Variants in TRPV4 observed in about 807,000 individuals in gnomAD.
The protein encoded by TRPV4 is OSM9-like transient receptor potential channel 4.
In TRPV4, 58 loss-of-function variants were observed where a neutral mutation model predicts 84.1. The observed-to-expected ratio is 0.69, with a 90% CI of 0.56 to 0.86. TRPV4 has a LOEUF of 0.86. TRPV4 is among the 40% of genes least tolerant of loss of function. TRPV4 has a pLI of 0.00. For synonymous variants in TRPV4, 489 were observed against 500.9 expected, an observed-to-expected ratio of 0.98 and a Z score of 0.32; for missense variants, 879 against 1,181.1, an observed-to-expected ratio of 0.74 and a Z score of 3.75.
Position 109,798,924 on chromosome 12 carries a change from G to A in TRPV4, c.854-12C>T. ...CAGGGGCAGCTCCCCTGCGGGCCAG[G>A]GTGAAGGGTGGGAGGTCAGCGAAGG... On this transcript the variant is annotated splice_polypyrimidine_tract_variant and intron_variant, in intron 5 of 15. Coordinates refer to ENST00000261740, the MANE Select transcript of TRPV4 (RefSeq NM_021625.5). The surrounding 1 kb of genome is among the most constrained non-coding windows in gnomAD (Gnocchi z 5.0). 1.9e-6 allele frequency: 3 copies of A among 1,606,034 alleles called. No homozygotes were observed. Among genetic ancestry groups the A allele is most frequent in the African/African-American group, 1.3e-5 (1 of 74,942 alleles).
At position 109,792,348 on chromosome 12, in the gene TRPV4, G is replaced by C; in HGVS notation, c.1891+15C>G. 1 of 1,611,910 alleles carries C rather than the reference G, an allele frequency of 6.2e-7. No individual in the cohort carries two copies. Among genetic ancestry groups the C allele is most frequent in the Non-Finnish European group, 8.5e-7 (1 of 1,178,772 alleles). On this transcript the variant is annotated intron_variant, in intron 12 of 15. Coordinates refer to ENST00000261740, the MANE Select transcript of TRPV4 (RefSeq NM_021625.5). The stretch of plus-strand genomic sequence containing the variant: ...CACCACCCCTGCCAGGACCACCTGA[G>C]CACCCAGAGCTCACCTGAAGCGTAG...
chr12:109,822,662 G>A (rs1176300089), intron 1 of TRPV4, among the ~76,000 whole-genome samples: 2 of 152,212 alleles, frequency 1.3e-5, no homozygotes, highest in Non-Finnish European at 2.9e-5. Context: ...AGAAGCTGGA[G>A]AAAGAATGGA....
At chr12:109,826,543 T>A (rs1045279374) in intron 1 of TRPV4, among the ~76,000 whole-genome samples, 6 of 152,200 alleles carry the variant, frequency 3.9e-5, no homozygotes, top group African/African-American at 1.4e-4. Flanking sequence ...AAGAATGAGA[T>A]TTAACTGAGT....
intron 1 of TRPV4, among the ~76,000 whole-genome samples, chr12:109,819,752 G>A (rs1892017777): frequency 1.3e-5 from 2 of 152,104 alleles, no homozygotes; most frequent in African/African-American, 2.4e-5. Flanking sequence ...TAGTACAGAC[G>A]GGGTTTCACA....
In TRPV4 at chr12:109,794,337, C is replaced by A. The variant is rs1890245593; in HGVS notation, c.1483G>T (p.Glu495Ter). Reference sequence around the variant, plus strand: ...GGTCCCCGGGCACTCACTGTGCCCTCCAGCGGCTGGTAGTAGGCGGTGAGA... The same window carrying A: ...GGTCCCCGGGCACTCACTGTGCCCTACAGCGGCTGGTAGTAGGCGGTGAGA... ...FTLTAYYQPLEGTPPYPYRTT... is the reference protein window; with the variant it reads ...FTLTAYYQPL The change falls in exon 8 of 16, where the codon GAG (glutamate) becomes TAG (stop). Residue 495 changes from glutamate (E) to a stop codon, truncating the protein, a stop_gained. Coordinates refer to ENST00000261740, the MANE Select transcript of TRPV4 (RefSeq NM_021625.5). LOFTEE classifies it high-confidence loss of function. The A allele has an allele frequency of 6.2e-7, 1 of 1,612,072 alleles. No homozygotes were observed. The highest frequency in any genetic ancestry group is 1.1e-5 in the South Asian group (1 of 91,094).
In TRPV4 at chr12:109,788,385, G is replaced by A. The variant is rs749199092; in HGVS notation, c.2208+15C>T. 3.7e-6 allele frequency: 6 copies of A among 1,610,152 alleles called. No homozygotes were observed. Among genetic ancestry groups the A allele is most frequent in the South Asian group, 3.3e-5 (3 of 90,700 alleles). ...GGTGGCTGGTAGAGTGGGGCTGGGG[G>A]CCCTGGGGCCTCACCTGCAGCTTCC... On this transcript the variant is annotated intron_variant, in intron 13 of 15. Transcript: ENST00000261740.
intron 1 of TRPV4, among the ~76,000 whole-genome samples, chr12:109,820,566 T>C (rs1179645133): frequency 3.7e-5 from 5 of 135,860 alleles, no homozygotes; most frequent in Non-Finnish European, 6.2e-5. Context: ...CTCTGTCGCC[T>C]AGGCTGGAGT....
At chr12:109,808,189 A>G (rs1384790071) in intron 3 of TRPV4, 107 bp downstream of exon 3, 5 of 1,308,102 alleles carry the variant, frequency 3.8e-6, no homozygotes, top group Non-Finnish European at 5.4e-6. Flanking sequence ...AGGCCAATGC[A>G]GTCCACCGAC....
intron 4 of TRPV4, among the ~76,000 whole-genome samples, chr12:109,801,904 A>C (rs1459711546): frequency 6.6e-6 from 1 of 152,174 alleles, no homozygotes; most frequent in East Asian, 1.9e-4. Flanking sequence ...TATAATATTC[A>C]TGGATTTTGA....
In TRPV4 at chr12:109,796,271, T is replaced by C. The variant is rs920950171; in HGVS notation, c.1332+254A>G. ...TGTCCTGAGACACACAGCATGTAAG[T>C]TACAGAGCCAGGATCCCAACCCAGT... On this transcript the variant is annotated intron_variant, in intron 7 of 15. Transcript: ENST00000261740. This position sits in a 1 kb window ranked among gnomAD's most constrained non-coding sequence, Gnocchi z 4.2. 6.6e-6 allele frequency among the ~76,000 whole-genome samples: 1 copy of C among 152,168 alleles called. No homozygotes were observed. The highest frequency in any genetic ancestry group is 6.5e-5 in the Admixed American group (1 of 15,278).
intron 4 of TRPV4, among the ~76,000 whole-genome samples, chr12:109,801,620 G>C (rs1208797607): frequency 6.6e-6 from 1 of 152,122 alleles, no homozygotes; most frequent in Non-Finnish European, 1.5e-5. Flanking sequence ...CTTTATAGCA[G>C]CATGAGAACG....
intron 7 of TRPV4, among the ~76,000 whole-genome samples, chr12:109,795,196 T>C (rs1403221269): frequency 6.6e-6 from 1 of 152,222 alleles, no homozygotes; most frequent in Non-Finnish European, 1.5e-5. Flanking sequence ...AGATGATAAA[T>C]GATTGACTCA....
chr12:109,795,478 C>T (rs929342488), intron 7 of TRPV4, among the ~76,000 whole-genome samples: 21 of 152,212 alleles, frequency 1.4e-4, no homozygotes, highest in Non-Finnish European at 1.5e-5. Flanking sequence ...GCATTTTCTG[C>T]TCCATTTTTA....
At chr12:109,802,839 CAT>C in intron 4 of TRPV4, 150 bp downstream of exon 4, 1 of 629,508 alleles carries the variant, frequency 1.6e-6, no homozygotes, top group Non-Finnish European at 2.7e-6. Flanking sequence ...TGCATCCATG[CAT>C]CCATCCATCC....
intron 12 of TRPV4, among the ~76,000 whole-genome samples, chr12:109,789,197 A>G (rs1319438543): frequency 1.3e-5 from 2 of 152,054 alleles, no homozygotes; most frequent in Non-Finnish European, 2.9e-5. Context: ...GACATTTGAC[A>G]ATGTCTAGAG....
chr12:109,820,793 G>A (rs1215567784), intron 1 of TRPV4, among the ~76,000 whole-genome samples: 2 of 152,238 alleles, frequency 1.3e-5, no homozygotes, highest in Admixed American at 6.5e-5. Flanking sequence ...AAAGTGCTGG[G>A]ATTATAGGCG....
chr12:109,814,326 T>A lies in TRPV4; in HGVS notation c.386+85A>T. On this transcript the variant is annotated intron_variant, in intron 2 of 15. Coordinates refer to ENST00000261740, the MANE Select transcript of TRPV4 (RefSeq NM_021625.5). The surrounding 1 kb of genome is among the most constrained non-coding windows in gnomAD (Gnocchi z 5.4). ...ATGGATGGATGAATCGACGGATGGG[T>A]GGATAATAGATAGAGGGGTGGATGA... 1.4e-6 allele frequency: 2 copies of A among 1,472,682 alleles called. No individual in the cohort carries two copies. Among genetic ancestry groups the A allele is most frequent in the South Asian group, 2.4e-5 (2 of 82,864 alleles). The allele number at this position is 1,472,682 out of a possible 1,614,324, so 91.2% of individuals were successfully genotyped here.
chr12:109,808,170 G>T, intron 3 of TRPV4, 126 bp downstream of exon 3: 1 of 1,074,174 alleles, frequency 9.3e-7, no homozygotes, highest in Non-Finnish European at 1.4e-6. Context: ...CCTGTCCAGT[G>T]CACTTTCCAG....
chr12:109,806,168 G>C lies in TRPV4; in HGVS notation c.559+2128C>G, dbSNP rs528314976. 9.2e-5 allele frequency among the ~76,000 whole-genome samples: 14 copies of C among 152,130 alleles called. No homozygotes were observed. In the South Asian group the frequency reaches 2.3e-3, roughly 25 times the overall value. On this transcript the variant is annotated intron_variant, in intron 3 of 15. Transcript: ENST00000261740. Reference sequence around the variant, plus strand: ...CGTCGCGTGGCCAGGAACCATGAATGAATATTTTTCATAAATCCAGCAATT... The same window carrying C: ...CGTCGCGTGGCCAGGAACCATGAATCAATATTTTTCATAAATCCAGCAATT...
Sources: allele counts gnomAD v4.1 joint callset (sites outside exome capture counted in the v4.1 genomes callset), GRCh38; gene constraint gnomAD v4.1.1; non-coding constraint Gnocchi (gnomAD v3.1); transcripts MANE v1.5; gene names NCBI Gene and HGNC (gene_info 2026-07-23, HGNC 2026-07-21).